The following GPC6 variants were observed in gnomAD, a reference collection of about 807,000 sequenced individuals.
GPC6 encodes the protein glypican 6, also known as glypican-6.
A neutral mutation model predicts 55.2 loss-of-function variants in GPC6; 14 were observed. That is an observed-to-expected ratio of 0.25 (90% CI 0.17 to 0.40). The LOEUF (loss-of-function observed/expected upper bound fraction) is 0.40. Ranked by LOEUF, GPC6 falls within the 10% of genes least tolerant of loss-of-function variation. The pLI, the probability that GPC6 is intolerant of heterozygous loss-of-function variation, is 1.00. For missense variants in GPC6, 641 were observed against 708.5 expected, an observed-to-expected ratio of 0.90 and a Z score of 1.08; for synonymous variants, 278 against 259.6, an observed-to-expected ratio of 1.07 and a Z score of -0.68.
At chr13:93,933,563 A>G (rs1248201488) in intron 3 of GPC6, among the ~76,000 whole-genome samples, 1 of 152,062 alleles carries the variant, frequency 6.6e-6, no homozygotes, top group Non-Finnish European at 1.5e-5. Flanking sequence ...TAATAATAGT[A>G]ATTATCATAT....
rs532772809 is a variant in GPC6, at chr13:93,864,590, T to A, written c.711+34045T>A. On this transcript the variant is annotated intron_variant, in intron 3 of 8. Coordinates refer to ENST00000377047, the MANE Select transcript of GPC6 (RefSeq NM_005708.5). ...CACTCCAGAGGATGTAACAGGGCAG[T>A]AATAAAAGCTAATATTTATTGACCA... Among the ~76,000 whole-genome samples the A allele has an allele frequency of 3.3e-5, 5 of 151,866 alleles. No homozygotes were observed. In the South Asian group the frequency reaches 1.0e-3, roughly 31 times the overall value.
In GPC6 at chr13:94,031,093, CGTGTGTGT is replaced by C. The variant is rs1242184492; in HGVS notation, c.877+3203_877+3210del. ...GCGTGTGCGTGTGCGTGTGTGTGTG[CGTGTGTGT>C]GTGCGTGCATGTGTGTGTGTGTGTG... On this transcript the variant is annotated intron_variant, in intron 4 of 8. Transcript: ENST00000377047. 3.8e-4 allele frequency among the ~76,000 whole-genome samples: 56 copies of C among 148,698 alleles called. No homozygotes were observed. In the East Asian group the frequency reaches 6.2e-3, roughly 16 times the overall value.
chr13:93,666,220 A>G (rs1051056221), intron 2 of GPC6, among the ~76,000 whole-genome samples: 5 of 152,194 alleles, frequency 3.3e-5, no homozygotes, highest in Admixed American at 2.6e-4. Flanking sequence ...AAATAATGAT[A>G]TAAGTTGCAA....
At chr13:93,320,633 TTA>T (rs557134151) in intron 1 of GPC6, among the ~76,000 whole-genome samples, 42 of 149,438 alleles carry the variant, frequency 2.8e-4, no homozygotes, top group Admixed American at 3.4e-4. Flanking sequence ...AGTGTATATA[TTA>T]TATATATATA....
chr13:93,411,811 C>T (rs1294482817), intron 1 of GPC6, among the ~76,000 whole-genome samples: 1 of 151,436 alleles, frequency 6.6e-6, no homozygotes, highest in Non-Finnish European at 1.5e-5. Context: ...GACCAGCCTA[C>T]CCAACCTGGT....
intron 1 of GPC6, among the ~76,000 whole-genome samples, chr13:93,299,046 A>G (rs1878590902): frequency 6.6e-6 from 1 of 152,106 alleles, no homozygotes; most frequent in African/African-American, 2.4e-5. Context: ...GACTCAGTAA[A>G]GATTTATTGA....
intron 1 of GPC6, among the ~76,000 whole-genome samples, chr13:93,478,639 C>A (rs777446889): frequency 6.6e-6 from 1 of 152,074 alleles, no homozygotes; most frequent in Admixed American, 6.5e-5. Flanking sequence ...GTGAGATCAC[C>A]TGGTTTTGGC....
chr13:94,033,350 T>C (rs1263885771), intron 4 of GPC6, among the ~76,000 whole-genome samples: 2 of 152,188 alleles, frequency 1.3e-5, no homozygotes, highest in African/African-American at 4.8e-5. Context: ...ATGACTAATG[T>C]CATGTAATAA....
intron 2 of GPC6, among the ~76,000 whole-genome samples, chr13:93,822,853 A>T (rs543050931): frequency 0.029 from 4,270 of 146,730 alleles, 193 homozygotes; most frequent in African/African-American, 0.1. Context: ...TATTATTATT[A>T]TTTTATTATT....
At chr13:93,410,876 G>C (rs572874969) in intron 1 of GPC6, among the ~76,000 whole-genome samples, 2 of 152,054 alleles carry the variant, frequency 1.3e-5, no homozygotes, top group Non-Finnish European at 2.9e-5. Flanking sequence ...TTCTTCTCAG[G>C]GGAAATGATA....
chr13:93,883,691 C>G (rs1875140913), intron 3 of GPC6, among the ~76,000 whole-genome samples: 1 of 151,610 alleles, frequency 6.6e-6, no homozygotes, highest in South Asian at 2.1e-4. Context: ...CATTTTAATC[C>G]TTCATGTCAT....
intron 4 of GPC6, among the ~76,000 whole-genome samples, chr13:94,222,006 T>C (rs1050089243): frequency 6.6e-6 from 1 of 151,944 alleles, no homozygotes; most frequent in African/African-American, 2.4e-5. Context: ...TGTCTAGTGA[T>C]AGGGTTTTTT....
chr13:93,475,070 A>G (rs781708856), intron 1 of GPC6, among the ~76,000 whole-genome samples: 1 of 152,074 alleles, frequency 6.6e-6, no homozygotes, highest in African/African-American at 2.4e-5. Flanking sequence ...TGATTCTAGG[A>G]TTTCAAGGCT....
chr13:93,744,920 G>A (rs1884347979), intron 2 of GPC6, among the ~76,000 whole-genome samples: 1 of 150,160 alleles, frequency 6.7e-6, no homozygotes, highest in African/African-American at 2.4e-5. Flanking sequence ...GTGGGCAACA[G>A]AGCAAGACTC....
chr13:93,516,649 G>A (rs1265043725), intron 1 of GPC6, among the ~76,000 whole-genome samples: 2 of 152,068 alleles, frequency 1.3e-5, no homozygotes, highest in Non-Finnish European at 2.9e-5. Flanking sequence ...CTTCAAGATA[G>A]AACAACATGG....
chr13:93,784,417 GA>G (rs755872692), intron 2 of GPC6, among the ~76,000 whole-genome samples: 18 of 152,110 alleles, frequency 1.2e-4, no homozygotes, highest in Non-Finnish European at 2.4e-4. Context: ...GAGATGTAGG[GA>G]AATTTCTGTT....
At chr13:93,625,758 A>AT (rs975556264) in intron 2 of GPC6, among the ~76,000 whole-genome samples, 190 of 152,304 alleles carry the variant, frequency 1.2e-3, no homozygotes, top group Admixed American at 2.2e-3. Flanking sequence ...CAGCTGATTC[A>AT]TTTTTTAATG....
intron 2 of GPC6, among the ~76,000 whole-genome samples, chr13:93,779,321 A>G (rs146377571): frequency 2.0e-5 from 3 of 152,346 alleles, no homozygotes; most frequent in African/African-American, 7.2e-5. Context: ...AATAATTTAC[A>G]TCCAAAATAG....
chr13:94,198,915 GCAC>G (rs1378279168), intron 4 of GPC6, among the ~76,000 whole-genome samples: 1 of 152,136 alleles, frequency 6.6e-6, no homozygotes, highest in East Asian at 1.9e-4. Flanking sequence ...CCATCGTATG[GCAC>G]AGCTGCCTTA....
Sources: allele counts gnomAD v4.1 joint callset (sites outside exome capture counted in the v4.1 genomes callset), GRCh38; gene constraint gnomAD v4.1.1; transcripts MANE v1.5; gene names NCBI Gene and HGNC (gene_info 2026-07-23, HGNC 2026-07-21).